ANO3: variants seen among roughly 807,000 people sequenced by gnomAD.
ANO3 encodes anoctamin 3.
ANO3 carries 99 observed loss-of-function variants against 144.8 expected under a neutral mutation model. The observed-to-expected ratio is 0.68, with a 90% CI of 0.58 to 0.81. The LOEUF (loss-of-function observed/expected upper bound fraction) is 0.81. Among genes scored for constraint, ANO3 ranks in the 30% least tolerant of loss-of-function variants. The probability of loss-of-function intolerance (pLI) is 0.00; values close to 1 mark genes in which losing one functional copy is unlikely to be tolerated. For synonymous variants in ANO3, 414 were observed against 392.6 expected (o/e 1.05, Z -0.64); for missense variants, 905 against 1,202.2 (o/e 0.75, Z 3.66).
Position 26,643,193 on chromosome 11 carries a change from G to A in ANO3, c.2287G>A (p.Gly763Ser). ...CTCTTCTTTTGCAGTTTTGCAATTT[G>A]GTTTTACCACCATCTTTGTTGCGGC... is the stretch of plus-strand genomic sequence containing the variant. ...DEYLEMVLQFGFTTIFVAAFP... is the reference protein window; with the variant it reads ...DEYLEMVLQFSFTTIFVAAFP... The change falls in exon 23 of 27, where the codon GGT becomes AGT. Residue 763 changes from glycine to serine, a missense_variant. This residue lies in a region of ANO3 where 597 missense variants were observed against 865.1 expected (regional missense o/e 0.69). Transcript: ENST00000256737. 7 of 1,613,764 alleles carry A rather than the reference G, an allele frequency of 4.3e-6. No individual in the cohort carries two copies. Among genetic ancestry groups the A allele is most frequent in the Non-Finnish European group, 5.9e-6 (7 of 1,179,894 alleles).
intron 1 of ANO3, among the ~76,000 whole-genome samples, chr11:26,191,806 T>C (rs996906954): frequency 3.3e-5 from 5 of 152,220 alleles, no homozygotes; most frequent in Non-Finnish European, 7.3e-5. Flanking sequence ...GCCATATCTC[T>C]GTGTAAAGGG....
intron 17 of ANO3, among the ~76,000 whole-genome samples, chr11:26,623,122 A>G (rs375107452): frequency 3.3e-5 from 5 of 152,192 alleles, no homozygotes; most frequent in Admixed American, 1.3e-4. Flanking sequence ...ACAAAGACCA[A>G]AAACCTGCAC....
intron 17 of ANO3, among the ~76,000 whole-genome samples, chr11:26,601,798 A>G (rs1851806701): frequency 6.6e-6 from 1 of 152,222 alleles, no homozygotes; most frequent in Admixed American, 6.5e-5. Context: ...AAGATAACTA[A>G]GTAGTTGTGT....
intron 1 of ANO3, among the ~76,000 whole-genome samples, chr11:26,190,641 C>A (rs1360079521): frequency 6.6e-6 from 1 of 152,110 alleles, no homozygotes; most frequent in Non-Finnish European, 1.5e-5. Flanking sequence ...ACATCCATTC[C>A]ATTAGATTCA....
rs1421516633 is a variant in ANO3, at chr11:26,632,530, T to A, written c.1874-1674T>A. 5.5e-5 allele frequency among the ~76,000 whole-genome samples: 8 copies of A among 146,234 alleles called. No homozygotes were observed. In the Admixed American group the frequency reaches 5.5e-4, roughly 10 times the overall value. ...GACTCCATCTCAAGAAAAAAAAAATTTATATATATATAAAATATATATAAT... is the reference window on the plus strand; with the variant it reads ...GACTCCATCTCAAGAAAAAAAAAATATATATATATATAAAATATATATAAT... On this transcript the variant is annotated intron_variant, in intron 18 of 26. Transcript: ENST00000256737.
intron 17 of ANO3, among the ~76,000 whole-genome samples, chr11:26,620,825 A>G (rs1372065623): frequency 6.6e-6 from 1 of 152,194 alleles, no homozygotes; most frequent in Non-Finnish European, 1.5e-5. Flanking sequence ...CAAATAAGCT[A>G]TTATGGAATA....
chr11:26,367,498 C>A (rs1327455327), intron 1 of ANO3, among the ~76,000 whole-genome samples: 1 of 152,100 alleles, frequency 6.6e-6, no homozygotes, highest in African/African-American at 2.4e-5. Flanking sequence ...TCCAAACTTT[C>A]CCTCATCTGT....
At chr11:26,274,998 A>G (rs111802711) in intron 1 of ANO3, among the ~76,000 whole-genome samples, 6,333 of 152,016 alleles carry the variant, frequency 0.042, 196 homozygotes, top group African/African-American at 0.087. Flanking sequence ...TCATTACTCA[A>G]AAAATTTAAA....
intron 1 of ANO3, among the ~76,000 whole-genome samples, chr11:26,295,551 G>A (rs1196417456): frequency 2.0e-5 from 3 of 148,236 alleles, no homozygotes; most frequent in Non-Finnish European, 4.5e-5. Context: ...TTAATAGATA[G>A]CAGTAAACCT....
At chr11:26,532,302 C>A (rs979310516) in intron 8 of ANO3, among the ~76,000 whole-genome samples, 2 of 152,122 alleles carry the variant, frequency 1.3e-5, no homozygotes, top group Admixed American at 1.3e-4. Flanking sequence ...TGACTGTTGG[C>A]TTTAGAGAGA....
At chr11:26,266,529 G>C (rs963652632) in intron 1 of ANO3, among the ~76,000 whole-genome samples, 5 of 151,096 alleles carry the variant, frequency 3.3e-5, no homozygotes, top group Non-Finnish European at 7.4e-5. Context: ...TGCCTCCCGG[G>C]TTCAAGCGAT....
At chr11:26,224,442 A>T (rs751359624) in intron 1 of ANO3, among the ~76,000 whole-genome samples, 2 of 152,226 alleles carry the variant, frequency 1.3e-5, no homozygotes, top group Non-Finnish European at 2.9e-5. Flanking sequence ...CCATGTTGCT[A>T]TAGTTTCCCT....
At chr11:26,458,338 A>C (rs143402943) in intron 3 of ANO3, among the ~76,000 whole-genome samples, 62 of 152,260 alleles carry the variant, frequency 4.1e-4, no homozygotes, top group Middle Eastern at 3.4e-3. Context: ...GACTGACGCT[A>C]ATACTAACTC....
upstream of ANO3, among the ~76,000 whole-genome samples, chr11:26,306,818 A>G (rs1050013309): frequency 6.6e-6 from 1 of 152,206 alleles, no homozygotes; most frequent in Admixed American, 6.5e-5. Context: ...TAAGTATGAA[A>G]TATTATGAAA....
rs534975703 is a variant in ANO3 at position 26,526,245 on chromosome 11, G to A, written c.737+566G>A. On this transcript the variant is annotated intron_variant, in intron 7 of 26. Coordinates refer to ENST00000256737, the MANE Select transcript of ANO3 (RefSeq NM_031418.4). ...TCAAAACATTAGCTCTTTACCTATTGTGGTAAGAATAACTATGGAAAAGGA... is the reference window on the plus strand; with the variant it reads ...TCAAAACATTAGCTCTTTACCTATTATGGTAAGAATAACTATGGAAAAGGA... Among the ~76,000 whole-genome samples the A allele has an allele frequency of 6.6e-5, 10 of 152,188 alleles. No homozygotes were observed. The South Asian group carries it at 2.1e-3, about 32-fold the overall frequency.
intron 1 of ANO3, among the ~76,000 whole-genome samples, chr11:26,352,540 G>C (rs1046411830): frequency 1.3e-5 from 2 of 152,122 alleles, no homozygotes; most frequent in Non-Finnish European, 2.9e-5. Flanking sequence ...ATTTCAGATG[G>C]GGGAATTAGA....
rs1359393538 is a variant in ANO3, at chr11:26,599,642, A to G, written c.1764A>G (p.Lys588=). The G allele has an allele frequency of 4.3e-6, 7 of 1,614,032 alleles. No homozygotes were observed. The highest frequency in any genetic ancestry group is 5.9e-6 in the Non-Finnish European group (7 of 1,180,028). Residue 588 remains lysine (K), a synonymous_variant, in exon 17 of 27, where the codon AAA becomes AAG. Coordinates refer to ENST00000256737, the MANE Select transcript of ANO3 (RefSeq NM_031418.4). ...QFASFKWNFI[K]QYWQFATSAA... ...CATCATTCAAGTGGAATTTCATCAA[A>G]CAATACTGGCAGTTTGCAACATCTG...
chr11:26,354,806 A>C (rs1855735773), intron 1 of ANO3, among the ~76,000 whole-genome samples: 1 of 152,014 alleles, frequency 6.6e-6, no homozygotes. Context: ...TTTCATATTA[A>C]AATTGTTTAA....
chr11:26,621,077 A>G (rs1169877172), intron 17 of ANO3, among the ~76,000 whole-genome samples: 1 of 152,194 alleles, frequency 6.6e-6, no homozygotes, highest in African/African-American at 2.4e-5. Flanking sequence ...TATGACTAAA[A>G]GATAAAAAGT....
Sources: allele counts gnomAD v4.1 joint callset (sites outside exome capture counted in the v4.1 genomes callset), GRCh38; gene constraint gnomAD v4.1.1; regional missense constraint gnomAD v4.1.1; transcripts MANE v1.5; gene names NCBI Gene and HGNC (gene_info 2026-07-23, HGNC 2026-07-21).